Variants in DMD observed in about 807,000 individuals in gnomAD.
DMD encodes dystrophin.
In DMD, 63 loss-of-function variants were observed where a neutral mutation model predicts 330.1. The observed-to-expected ratio is 0.19, with a 90% CI of 0.16 to 0.24. The LOEUF (loss-of-function observed/expected upper bound fraction) is 0.24, where lower values mean the gene tolerates loss of function less well. Among genes scored for constraint, DMD ranks in the 10% least tolerant of loss-of-function variants. The probability of loss-of-function intolerance (pLI) is 1.00; values close to 1 mark genes in which losing one functional copy is unlikely to be tolerated. For synonymous variants in DMD, 1,223 were observed against 959.8 expected (o/e 1.27, Z -5.07); for missense variants, 3,344 against 2,684.1 (o/e 1.25, Z -5.43).
At chrX:31,364,309 C>A (rs1350321579) in intron 60 of DMD, among the ~76,000 whole-genome samples, 1 of 111,961 alleles carries the variant, frequency 8.9e-6, no homozygotes, top group South Asian at 3.8e-4. Flanking sequence ...GCATGTGACC[C>A]AATTTGGGCC....
At chrX:32,936,646 G>T (rs1361240186) in intron 2 of DMD, among the ~76,000 whole-genome samples, 1 of 111,493 alleles carries the variant, frequency 9.0e-6, no homozygotes, top group East Asian at 2.8e-4. Context: ...AAGCTAGTCT[G>T]CCACTGCAAG....
intron 1 of DMD, among the ~76,000 whole-genome samples, chrX:33,161,179 C>G (rs2048755681): frequency 8.9e-6 from 1 of 111,814 alleles, no homozygotes; most frequent in African/African-American, 3.2e-5. Context: ...AAGGGAAACA[C>G]AAGACTTTTG....
chrX:31,877,378 C>G (rs2093984007), intron 47 of DMD, among the ~76,000 whole-genome samples: 1 of 110,777 alleles, frequency 9.0e-6, no homozygotes, highest in Admixed American at 9.6e-5. Flanking sequence ...GGAACTGCAC[C>G]TCATCGCAGG....
At chrX:32,446,163 C>G (rs2098303223) in intron 27 of DMD, among the ~76,000 whole-genome samples, 1 of 110,678 alleles carries the variant, frequency 9.0e-6, no homozygotes, top group South Asian at 3.7e-4. Context: ...AATGCAGAAC[C>G]ACTAAAGAAA....
intron 1 of DMD, among the ~76,000 whole-genome samples, chrX:33,038,733 T>A (rs1182296271): frequency 8.9e-6 from 1 of 112,133 alleles, no homozygotes; most frequent in East Asian, 2.8e-4. Flanking sequence ...GTGACTCACA[T>A]CTGTAATCCC....
intron 1 of DMD, among the ~76,000 whole-genome samples, chrX:33,269,546 T>A (rs1460431466): frequency 1.8e-5 from 2 of 111,192 alleles, no homozygotes; most frequent in Non-Finnish European, 3.8e-5. Flanking sequence ...ACTCCCTGTA[T>A]GTAAAATAAA....
intron 55 of DMD, among the ~76,000 whole-genome samples, chrX:31,621,991 T>G (rs943787938): frequency 1.8e-5 from 2 of 111,849 alleles, no homozygotes; most frequent in Non-Finnish European, 3.8e-5. Flanking sequence ...GGACATGCTA[T>G]GCTCAATTCA....
intron 1 of DMD, among the ~76,000 whole-genome samples, chrX:33,290,533 T>C (rs1033360337): frequency 9.0e-6 from 1 of 111,705 alleles, no homozygotes; most frequent in African/African-American, 3.3e-5. Flanking sequence ...CATTCATCTT[T>C]CCTCATTCTA....
intron 44 of DMD, among the ~76,000 whole-genome samples, chrX:32,178,980 C>CTCTCTT (rs2096917651): frequency 9.5e-6 from 1 of 104,770 alleles, no homozygotes; most frequent in Non-Finnish European, 2.0e-5. Context: ...CTCTCTCTCT[C>CTCTCTT]TCCCTCTCCT....
At chrX:31,620,087 C>G (rs1463513990) in intron 55 of DMD, among the ~76,000 whole-genome samples, 1 of 111,359 alleles carries the variant, frequency 9.0e-6, no homozygotes, top group Non-Finnish European at 1.9e-5. Flanking sequence ...TTCAGGGTCC[C>G]AAAATGGAAA....
At chrX:33,065,741 G>A (rs747906331) in intron 1 of DMD, among the ~76,000 whole-genome samples, 1 of 112,332 alleles carries the variant, frequency 8.9e-6, no homozygotes, top group South Asian at 3.7e-4. Context: ...TAAAGGGCCA[G>A]AGCTATTTTA....
intron 16 of DMD, among the ~76,000 whole-genome samples, chrX:32,560,131 A>T (rs1459120304): frequency 9.1e-6 from 1 of 110,128 alleles, no homozygotes; most frequent in African/African-American, 3.3e-5. Context: ...CCTGAGAAAG[A>T]AGACAATTTA....
At chrX:31,322,121 A>T (rs749944344) in intron 62 of DMD, among the ~76,000 whole-genome samples, 13 of 112,036 alleles carry the variant, frequency 1.2e-4, no homozygotes, top group Non-Finnish European at 2.3e-4. Context: ...GAAAGGAGAA[A>T]AAGAGTCTTT....
intron 47 of DMD, among the ~76,000 whole-genome samples, chrX:31,928,343 C>T (rs372759233): frequency 9.0e-6 from 1 of 111,455 alleles, no homozygotes; most frequent in Non-Finnish European, 1.9e-5. Flanking sequence ...CGGTGGCTCA[C>T]GCTGTAATCC....
chrX:32,668,961 T>A (rs1409585173), intron 9 of DMD, among the ~76,000 whole-genome samples: 1 of 111,419 alleles, frequency 9.0e-6, no homozygotes, highest in East Asian at 2.8e-4. Context: ...AATCAACATT[T>A]ATAGGTTGAT....
At chrX:31,899,120 C>T (rs1428110133) in intron 47 of DMD, among the ~76,000 whole-genome samples, 1 of 111,764 alleles carries the variant, frequency 8.9e-6, no homozygotes, top group Non-Finnish European at 1.9e-5. Flanking sequence ...CATTTATAAA[C>T]TTATATTCAA....
intron 2 of DMD, among the ~76,000 whole-genome samples, chrX:32,982,972 A>G (rs1456136813): frequency 8.9e-6 from 1 of 111,960 alleles, no homozygotes; most frequent in Non-Finnish European, 1.9e-5. Flanking sequence ...TATGTTGGCT[A>G]TTTTCAGTTG....
chrX:32,958,617 T>C (rs1015617740), intron 2 of DMD, among the ~76,000 whole-genome samples: 1 of 111,854 alleles, frequency 8.9e-6, no homozygotes, highest in African/African-American at 3.2e-5. Flanking sequence ...ATTACTACCT[T>C]TAACTAAAAT....
intron 77 of DMD, among the ~76,000 whole-genome samples, chrX:31,129,874 C>T (rs751680631): frequency 4.5e-5 from 5 of 111,620 alleles, no homozygotes; most frequent in East Asian, 2.8e-4. Context: ...TTTTAAAAGA[C>T]GGTAGGTTTT....
Sources: gnomAD v4.1 joint callset for allele counts (sites outside exome capture counted in the v4.1 genomes callset) on GRCh38, gnomAD v4.1.1 for gene constraint, MANE v1.5 for transcripts, NCBI Gene and HGNC (gene_info 2026-07-23, HGNC 2026-07-21) for gene names.